RBFOX1: variants seen among roughly 807,000 people sequenced by gnomAD.
The protein encoded by RBFOX1 is RNA binding fox-1 homolog 1.
Under a neutral mutation model 57.7 loss-of-function variants are expected in RBFOX1, and 8 were observed. The observed-to-expected ratio is 0.14, with a 90% CI of 0.08 to 0.25. The LOEUF (loss-of-function observed/expected upper bound fraction) is 0.25. RBFOX1 is among the 10% of genes least tolerant of loss of function. The pLI, the probability that RBFOX1 is intolerant of heterozygous loss-of-function variation, is 1.00. For missense variants in RBFOX1, 611 were observed against 548.5 expected, an observed-to-expected ratio of 1.11 and a Z score of -1.14; for synonymous variants, 326 against 222.4, an observed-to-expected ratio of 1.47 and a Z score of -4.15.
At chr16:6,370,631 T>C (rs2090298264) in intron 2 of RBFOX1, among the ~76,000 whole-genome samples, 1 of 152,086 alleles carries the variant, frequency 6.6e-6, no homozygotes, top group Non-Finnish European at 1.5e-5. Context: ...GTACCTAGGA[T>C]AGTCAAATTC....
At chr16:6,861,289 C>G (rs773565269) in intron 3 of RBFOX1, among the ~76,000 whole-genome samples, 1 of 152,082 alleles carries the variant, frequency 6.6e-6, no homozygotes, top group East Asian at 1.9e-4. Context: ...GGGTTTTATA[C>G]AAAAACAAGG....
intron 1 of RBFOX1, among the ~76,000 whole-genome samples, chr16:5,441,626 A>T (rs2068087164): frequency 6.6e-6 from 1 of 152,068 alleles, no homozygotes; most frequent in African/African-American, 2.4e-5. Flanking sequence ...TGACCTCCCA[A>T]AGTGCTGGGA....
intron 4 of RBFOX1, among the ~76,000 whole-genome samples, chr16:7,120,899 A>G (rs982648215): frequency 1.4e-5 from 2 of 140,108 alleles, no homozygotes; most frequent in Non-Finnish European, 3.2e-5. Flanking sequence ...AATACAGAAA[A>G]ATAATAACAT....
chr16:6,128,656 G>A (rs918911782), intron 1 of RBFOX1, among the ~76,000 whole-genome samples: 2 of 152,194 alleles, frequency 1.3e-5, no homozygotes, highest in Non-Finnish European at 2.9e-5. Flanking sequence ...AATATGTGCA[G>A]GGGGAATGCT....
At chr16:7,073,689 A>G (rs544259240) in intron 4 of RBFOX1, among the ~76,000 whole-genome samples, 1 of 151,002 alleles carries the variant, frequency 6.6e-6, no homozygotes, top group South Asian at 2.1e-4. Context: ...ACAAAATAAT[A>G]AAAAAAAATA....
chr16:5,943,774 T>C (rs1448533725), intron 4 of RBFOX1, among the ~76,000 whole-genome samples: 2 of 152,088 alleles, frequency 1.3e-5, no homozygotes, highest in Non-Finnish European at 2.9e-5. Flanking sequence ...AAGATTACCA[T>C]TCACATTCAC....
chr16:6,329,976 C>G (rs1323020937), intron 2 of RBFOX1, among the ~76,000 whole-genome samples: 1 of 151,936 alleles, frequency 6.6e-6, no homozygotes, highest in Non-Finnish European at 1.5e-5. Flanking sequence ...TCAAAAACCA[C>G]AAGGTGGATG....
At chr16:6,983,115 G>C (rs942935380) in intron 3 of RBFOX1, among the ~76,000 whole-genome samples, 2 of 151,050 alleles carry the variant, frequency 1.3e-5, no homozygotes, top group Admixed American at 1.3e-4. Context: ...CAGTTTTCCA[G>C]ATACCAAAAC....
At chr16:6,660,044 G>A (rs552841539) in intron 3 of RBFOX1, among the ~76,000 whole-genome samples, 1 of 152,102 alleles carries the variant, frequency 6.6e-6, no homozygotes, top group Admixed American at 6.5e-5. Context: ...GGCCAACATA[G>A]TGAAACATCA....
rs538308859 is a variant in RBFOX1, at chr16:5,932,126, A to G, written c.351+64791A>G. 1.6e-3 allele frequency among the ~76,000 whole-genome samples: 245 copies of G among 152,302 alleles called. 3 individuals carry two copies. The highest frequency in any genetic ancestry group is 0.01 in the Middle Eastern group (3 of 294). ...GGCCTTGTATGGCATAGTTGGTCCT[A>G]AGAGAGGAAGAATGATTTGGCTGGG... On this transcript the variant is annotated intron_variant, in intron 4 of 19. Transcript: ENST00000641259.
At chr16:5,311,277 T>A (rs1373597323) in intron 1 of RBFOX1, among the ~76,000 whole-genome samples, 1 of 152,122 alleles carries the variant, frequency 6.6e-6, no homozygotes, top group Non-Finnish European at 1.5e-5. Context: ...TATATTAATA[T>A]CACATTTTCT....
intron 1 of RBFOX1, among the ~76,000 whole-genome samples, chr16:5,330,689 G>A (rs1596541067): frequency 6.6e-6 from 1 of 151,236 alleles, no homozygotes; most frequent in South Asian, 2.1e-4. Flanking sequence ...ACAGGTGTGA[G>A]CCAGTTTGCC....
intron 1 of RBFOX1, among the ~76,000 whole-genome samples, chr16:6,113,762 C>G (rs2096469749): frequency 1.3e-5 from 2 of 152,202 alleles, no homozygotes; most frequent in South Asian, 2.1e-4. Context: ...GTAACATACA[C>G]TCTAGAAATG....
At chr16:6,423,402 C>T (rs754199928) in intron 2 of RBFOX1, among the ~76,000 whole-genome samples, 1 of 152,104 alleles carries the variant, frequency 6.6e-6, no homozygotes, top group East Asian at 1.9e-4. Context: ...AGTTTGGGAC[C>T]AGCCTGGGCA....
At chr16:6,863,705 G>A (rs1311145142) in intron 3 of RBFOX1, among the ~76,000 whole-genome samples, 1 of 104,062 alleles carries the variant, frequency 9.6e-6, no homozygotes, top group Non-Finnish European at 1.9e-5. Flanking sequence ...ATGACCGGAA[G>A]CACAAATTGG....
At chr16:5,571,850 C>T (rs930395287) in intron 2 of RBFOX1, among the ~76,000 whole-genome samples, 3 of 152,196 alleles carry the variant, frequency 2.0e-5, no homozygotes, top group African/African-American at 7.2e-5. Flanking sequence ...GTCTTTATTT[C>T]TGCATTCATC....
intron 3 of RBFOX1, among the ~76,000 whole-genome samples, chr16:7,043,985 A>G (rs988854058): frequency 6.6e-6 from 1 of 152,138 alleles, no homozygotes; most frequent in African/African-American, 2.4e-5. Flanking sequence ...AAGTTGGGCC[A>G]CCTCCTATGC....
chr16:6,440,251 T>C (rs2094348796), intron 2 of RBFOX1, among the ~76,000 whole-genome samples: 1 of 152,058 alleles, frequency 6.6e-6, no homozygotes, highest in South Asian at 2.1e-4. Flanking sequence ...TATACATGTA[T>C]TGATGAGTAA....
At chr16:5,846,861 C>T (rs903974373) in intron 3 of RBFOX1, among the ~76,000 whole-genome samples, 6 of 152,160 alleles carry the variant, frequency 3.9e-5, no homozygotes, top group African/African-American at 9.7e-5. Flanking sequence ...AGAGCAGCTG[C>T]GGAGAAGGAC....
Sources: gnomAD v4.1 joint callset for allele counts (sites outside exome capture counted in the v4.1 genomes callset) on GRCh38, gnomAD v4.1.1 for gene constraint, MANE v1.5 for transcripts, NCBI Gene and HGNC (gene_info 2026-07-23, HGNC 2026-07-21) for gene names.